ARK2N: variants seen among roughly 807,000 people sequenced by gnomAD.
The protein encoded by ARK2N is protein ARK2N.
At chr18:46,224,774 CTT>C in the ARK2N span, among the ~76,000 whole-genome samples, 1 of 152,196 alleles carries the variant, frequency 6.6e-6, no homozygotes, top group African/African-American at 2.4e-5. Flanking sequence ...GAATTAGTGA[CTT>C]TGATTAATGA....
chr18:46,198,134 T>A, the ARK2N span, among the ~76,000 whole-genome samples: 4 of 151,826 alleles, frequency 2.6e-5, no homozygotes, highest in Non-Finnish European at 4.4e-5. Context: ...AAACACTGTC[T>A]CTACTAAAAA....
At chr18:46,235,958 G>T in the ARK2N span, among the ~76,000 whole-genome samples, 1 of 152,170 alleles carries the variant, frequency 6.6e-6, no homozygotes, top group African/African-American at 2.4e-5. Context: ...AACGAAGAAG[G>T]CTTAAGGTCA....
chr18:46,245,086 C>T, the ARK2N span, among the ~76,000 whole-genome samples: 8 of 152,126 alleles, frequency 5.3e-5, no homozygotes, highest in South Asian at 2.1e-4. Context: ...CCCGTCACCA[C>T]GCCCCGTTAA....
At chr18:46,234,322 C>T in the ARK2N span, among the ~76,000 whole-genome samples, 32 of 152,076 alleles carry the variant, frequency 2.1e-4, no homozygotes, top group African/African-American at 6.3e-4. Flanking sequence ...CTCAGCCTCC[C>T]GAGTAGCTGG....
the ARK2N span, among the ~76,000 whole-genome samples, chr18:46,255,419 T>G: frequency 1.3e-4 from 19 of 148,152 alleles, no homozygotes; most frequent in Admixed American, 2.7e-4. Context: ...TCTTTTCTTT[T>G]CTTTTCTTTG....
the ARK2N span, among the ~76,000 whole-genome samples, chr18:46,188,566 G>A: frequency 2.0e-5 from 3 of 151,978 alleles, no homozygotes; most frequent in Non-Finnish European, 4.4e-5. Context: ...CGCTGGTCTC[G>A]AACTCCTGAG....
chr18:46,187,325 A>G, the ARK2N span, among the ~76,000 whole-genome samples: 1 of 143,366 alleles, frequency 7.0e-6, no homozygotes, highest in African/African-American at 2.5e-5. Flanking sequence ...GATGCCAACT[A>G]TAATGTTTTA....
chr18:46,203,881 C>T, the ARK2N span, among the ~76,000 whole-genome samples: 1 of 152,150 alleles, frequency 6.6e-6, no homozygotes. Context: ...GCCACCGCAA[C>T]CCCCAAAAAT....
the ARK2N span, among the ~76,000 whole-genome samples, chr18:46,257,425 C>G: frequency 6.6e-6 from 1 of 152,134 alleles, no homozygotes; most frequent in South Asian, 2.1e-4. Flanking sequence ...TGTGTATCCT[C>G]TAGTCCTAGA....
the ARK2N span, among the ~76,000 whole-genome samples, chr18:46,180,581 C>G: frequency 6.6e-6 from 1 of 152,202 alleles, no homozygotes; most frequent in South Asian, 2.1e-4. Context: ...TGGCGCATGC[C>G]TGTAATCCCA....
chr18:46,205,059 G>A, the ARK2N span, among the ~76,000 whole-genome samples: 4 of 151,448 alleles, frequency 2.6e-5, no homozygotes, highest in Non-Finnish European at 5.9e-5. Context: ...AGGAACCCAC[G>A]ACCACGCCTG....
the ARK2N span, among the ~76,000 whole-genome samples, chr18:46,234,554 CT>C: frequency 0.14 from 20,408 of 147,458 alleles, 1,712 homozygotes; most frequent in East Asian, 0.4. Context: ...AATAAAACTG[CT>C]TTTTTTTTTT....
the ARK2N span, among the ~76,000 whole-genome samples, chr18:46,222,922 T>C: frequency 6.6e-6 from 1 of 152,204 alleles, no homozygotes; most frequent in Non-Finnish European, 1.5e-5. Context: ...CTCTTGGTGT[T>C]GTAAGTTCTG....
the ARK2N span, among the ~76,000 whole-genome samples, chr18:46,237,511 C>G: frequency 2.0e-5 from 3 of 151,868 alleles, no homozygotes; most frequent in Non-Finnish European, 2.9e-5. Flanking sequence ...CCTCAGCCTC[C>G]CAAGTAGCTG....
At chr18:46,206,274 T>C in the ARK2N span, among the ~76,000 whole-genome samples, 27,734 of 151,414 alleles carry the variant, frequency 0.18, 2,775 homozygotes, top group East Asian at 0.4. Context: ...TTTGTAGATA[T>C]GGAGTCTCAC....
At chr18:46,201,501 C>T in the ARK2N span, among the ~76,000 whole-genome samples, 11 of 152,044 alleles carry the variant, frequency 7.2e-5, no homozygotes, top group South Asian at 2.1e-4. Context: ...CCTAGGGTGA[C>T]GATGCTTTCC....
chr18:46,246,388 G>A, the ARK2N span, among the ~76,000 whole-genome samples: 1 of 152,196 alleles, frequency 6.6e-6, no homozygotes, highest in Non-Finnish European at 1.5e-5. Context: ...TGAAATAGAA[G>A]AAGGAAGAGG....
chr18:46,244,601 ATTT>A, the ARK2N span, among the ~76,000 whole-genome samples: 82 of 93,870 alleles, frequency 8.7e-4, 1 homozygote, highest in Middle Eastern at 8.8e-3. Flanking sequence ...AAGAGTTTAG[ATTT>A]TTTTTTTTTT....
the ARK2N span, chr18:46,216,236 A>G: frequency 6.2e-7 from 1 of 1,613,816 alleles, no homozygotes; most frequent in Non-Finnish European, 8.5e-7. The surrounding 1 kb of genome is among the most constrained non-coding windows in gnomAD (Gnocchi z 4.3). Flanking sequence ...GAACCCTCTC[A>G]GGCAGAAACG....
Sources: allele counts gnomAD v4.1 joint callset (sites outside exome capture counted in the v4.1 genomes callset), GRCh38; gene constraint gnomAD v4.1.1; non-coding constraint Gnocchi (gnomAD v3.1); transcripts MANE v1.5; gene names NCBI Gene and HGNC (gene_info 2026-07-23, HGNC 2026-07-21).